The following GK variants were observed in gnomAD, a reference collection of about 807,000 sequenced individuals.
GK encodes the protein glycerol kinase.
GK carries 9 observed loss-of-function variants against 56.4 expected under a neutral mutation model. The observed-to-expected ratio is 0.16, with a 90% CI of 0.10 to 0.28. The LOEUF is 0.28. Ranked by LOEUF, GK falls within the 10% of genes least tolerant of loss-of-function variation. The probability of loss-of-function intolerance (pLI) is 1.00; values close to 1 mark genes in which losing one functional copy is unlikely to be tolerated. For synonymous variants in GK, 104 were observed against 144.1 expected, an observed-to-expected ratio of 0.72 and a Z score of 1.99; for missense variants, 161 against 431.4, an observed-to-expected ratio of 0.37 and a Z score of 5.55.
chrX:30,677,764 G>A (rs185591948), intron 4 of GK, among the ~76,000 whole-genome samples: 37 of 104,946 alleles, frequency 3.5e-4, no homozygotes, highest in Non-Finnish European at 6.0e-4. Flanking sequence ...GGCAGAGGTT[G>A]CAGTGAGCCA....
At chrX:30,711,561 T>C (rs1321126748) in intron 13 of GK, among the ~76,000 whole-genome samples, 1 of 111,593 alleles carries the variant, frequency 9.0e-6, no homozygotes, top group Admixed American at 9.6e-5. Flanking sequence ...TGGATGAATA[T>C]TGGAACCTTT....
chrX:30,728,337 TA>T (rs397728920), intron 20 of GK, among the ~76,000 whole-genome samples: 4 of 107,480 alleles, frequency 3.7e-5, no homozygotes, highest in Admixed American at 1.0e-4. Flanking sequence ...AAGTGAAACT[TA>T]AAAAAAAAAT....
intron 9 of GK, chrX:30,700,145 TACTA>T (rs777775406): frequency 3.1e-6 from 1 of 320,381 alleles, no homozygotes; most frequent in Non-Finnish European, 5.5e-6. Context: ...AGTAGATTAA[TACTA>T]ACTAACTAAC....
At chrX:30,682,538 A>G (rs757311288) in intron 4 of GK, among the ~76,000 whole-genome samples, 96 of 112,351 alleles carry the variant, frequency 8.5e-4, no homozygotes, top group Admixed American at 8.0e-3. Flanking sequence ...GGAAAACTCT[A>G]AAGTGTCATA....
chrX:30,692,543 A>G (rs771225919), intron 5 of GK, among the ~76,000 whole-genome samples: 1 of 109,483 alleles, frequency 9.1e-6, no homozygotes, highest in South Asian at 4.0e-4. Context: ...CAGTGGCACA[A>G]TCTCTGCTCA....
intron 2 of GK, among the ~76,000 whole-genome samples, chrX:30,667,239 TGAGAAAGGCAGAG>T (rs1933148433): frequency 8.9e-6 from 1 of 112,127 alleles, no homozygotes; most frequent in African/African-American, 3.2e-5. Context: ...TAGTTAGGCC[TGAGAAAGGCAGAG>T]AAGAAAGGCA....
At chrX:30,699,792 A>G (rs1297225127) in intron 9 of GK, among the ~76,000 whole-genome samples, 1 of 111,620 alleles carries the variant, frequency 9.0e-6, no homozygotes, top group African/African-American at 3.3e-5. Context: ...TTTTCTTCCT[A>G]GAATGCTGGC....
Position 30,668,045 on chromosome X carries a change from T to C in GK, c.186T>C (p.His62=), listed in dbSNP as rs45537438. 812 of 1,131,463 alleles carry C rather than the reference T, an allele frequency of 7.2e-4. 2 individuals are homozygous for C. The African/African-American group carries it at 0.013, about 19-fold the overall frequency. The allele number at this position is 1,131,463 out of a possible 1,213,427, so 93.2% of individuals were successfully genotyped here. ...AACAGGACCCTAAGGAAATTCTACA[T>C]TCTGTCTATGAGTGTATAGAGAAAA... ...WVEQDPKEIL[H]SVYECIEKTC... Residue 62 remains histidine, a synonymous_variant, in exon 3 of 21, where the codon CAT becomes CAC. Transcript: ENST00000427190.
At chrX:30,717,998 G>A (rs1936713975) in intron 13 of GK, among the ~76,000 whole-genome samples, 1 of 111,274 alleles carries the variant, frequency 9.0e-6, no homozygotes, top group Admixed American at 9.6e-5. Context: ...ACTAGAACTG[G>A]GACTCAAAGC....
intron 4 of GK, among the ~76,000 whole-genome samples, chrX:30,680,836 A>G: frequency 8.9e-6 from 1 of 111,802 alleles, no homozygotes; most frequent in East Asian, 2.8e-4. Context: ...GTAAAATCCC[A>G]GACTTTGGAC....
intron 14 of GK, 97 bp from the exon 15 acceptor site, chrX:30,719,322 C>A: frequency 7.1e-6 from 4 of 560,099 alleles, no homozygotes; most frequent in African/African-American, 2.3e-5. Flanking sequence ...GAAACCAAAA[C>A]CCCTGTCCTA....
intron 15 of GK, 39 bp downstream of exon 15, chrX:30,719,554 A>G: frequency 1.3e-6 from 1 of 770,345 alleles, no homozygotes; most frequent in Non-Finnish European, 2.0e-6. Context: ...GGGGATCTTG[A>G]TTTATTTACC....
intron 4 of GK, among the ~76,000 whole-genome samples, chrX:30,689,125 T>G (rs1934787565): frequency 8.9e-6 from 1 of 112,683 alleles, no homozygotes; most frequent in African/African-American, 3.2e-5. Context: ...TTTAAACTCA[T>G]AGCTCACTGT....
At chrX:30,676,498 G>T (rs1933912166) in intron 3 of GK, among the ~76,000 whole-genome samples, 1 of 111,782 alleles carries the variant, frequency 8.9e-6, no homozygotes, top group Admixed American at 9.6e-5. Flanking sequence ...GGATCCTTTG[G>T]CCAAGTGTGT....
At chrX:30,690,438 G>A (rs1209409295) in intron 4 of GK, among the ~76,000 whole-genome samples, 3 of 111,509 alleles carry the variant, frequency 2.7e-5, no homozygotes, top group Non-Finnish European at 3.8e-5. Context: ...AACAGAAATC[G>A]TTTCCACCAG....
chrX:30,678,730 A>C (rs1311661585), intron 4 of GK, among the ~76,000 whole-genome samples: 1 of 86,635 alleles, frequency 1.2e-5, no homozygotes, highest in Non-Finnish European at 2.1e-5. Context: ...GCTGTTGCCC[A>C]GGCTGGGGTG....
At chrX:30,696,736 A>C (rs748614818) in intron 8 of GK, 53 bp downstream of exon 8, 44 of 896,048 alleles carry the variant, frequency 4.9e-5, no homozygotes, top group Non-Finnish European at 6.1e-5. Flanking sequence ...AAAAACAAAC[A>C]AAAAAAAACC....
intron 13 of GK, among the ~76,000 whole-genome samples, chrX:30,711,404 A>G (rs1321372484): frequency 9.0e-6 from 1 of 111,441 alleles, no homozygotes; most frequent in Non-Finnish European, 1.9e-5. Context: ...TAGTTTTACT[A>G]TGATATGCCT....
At chrX:30,687,677 A>C in intron 4 of GK, 3 of 337,123 alleles carry the variant, frequency 8.9e-6, no homozygotes, top group Non-Finnish European at 1.8e-5. Flanking sequence ...GTTGGGGGAA[A>C]TTGACTTCTG....
Sources: gnomAD v4.1 joint callset for allele counts (sites outside exome capture counted in the v4.1 genomes callset) on GRCh38, gnomAD v4.1.1 for gene constraint, MANE v1.5 for transcripts, NCBI Gene and HGNC (gene_info 2026-07-23, HGNC 2026-07-21) for gene names.